LRCH3: variants seen among roughly 807,000 people sequenced by gnomAD.
LRCH3 encodes leucine rich repeats and calponin homology domain containing 3, also known as DISP complex protein LRCH3.
In LRCH3, 68 loss-of-function variants were observed where a neutral mutation model predicts 104.5. The observed-to-expected ratio is 0.65, with a 90% CI of 0.54 to 0.80. The LOEUF (loss-of-function observed/expected upper bound fraction) is 0.80, where lower values mean the gene tolerates loss of function less well. Among genes scored for constraint, LRCH3 ranks in the 30% least tolerant of loss-of-function variants. LRCH3 has a pLI of 0.00. For synonymous variants in LRCH3, 344 were observed against 361.3 expected, an observed-to-expected ratio of 0.95 and a Z score of 0.54; for missense variants, 951 against 953.9, an observed-to-expected ratio of 1.00 and a Z score of 0.04.
rs1489227486 is a variant in LRCH3 at position 197,815,058 on chromosome 3, A to T, written c.407+6A>T. ...CTAACATTCTTAAATATTAGGTAAG[A>T]ATATTGTTTTCTTATTTTAAATTTT... On this transcript the variant is annotated splice_donor_region_variant and intron_variant, in intron 2 of 20. Transcript: ENST00000425562. 1 of 1,437,064 alleles carries T rather than the reference A, an allele frequency of 7.0e-7. No homozygotes were observed. 89.0% of individuals were successfully genotyped at this position (1,437,064 alleles called of 1,614,324 possible). A position where few individuals can be genotyped will look rare whatever the true frequency, so the allele number is the denominator to read the frequency against.
chr3:197,878,234 C>T (rs190893833), intron 20 of LRCH3, among the ~76,000 whole-genome samples: 60 of 152,266 alleles, frequency 3.9e-4, no homozygotes, highest in African/African-American at 1.3e-3. Flanking sequence ...TAAGCCTGTC[C>T]GCGGGGCTTT....
At chr3:197,846,398 A>C (rs1014284292) in intron 10 of LRCH3, among the ~76,000 whole-genome samples, 24 of 149,814 alleles carry the variant, frequency 1.6e-4, no homozygotes, top group East Asian at 7.8e-4. Flanking sequence ...AAAAAAAAAA[A>C]AACAAAAAAA....
intron 10 of LRCH3, among the ~76,000 whole-genome samples, chr3:197,840,380 C>T (rs1372335132): frequency 1.3e-5 from 2 of 152,182 alleles, no homozygotes; most frequent in Non-Finnish European, 2.9e-5. Flanking sequence ...TCGCTTGAAC[C>T]CAGGAGGCGG....
At chr3:197,847,802 A>C in intron 11 of LRCH3, 70 bp from the exon 12 acceptor site, 1 of 1,517,242 alleles carries the variant, frequency 6.6e-7, no homozygotes, top group African/African-American at 1.4e-5. Flanking sequence ...AGTTCCCTAA[A>C]TTGATAGGGA....
At chr3:197,792,357 G>A (rs1730625140) in intron 1 of LRCH3, among the ~76,000 whole-genome samples, 1 of 150,726 alleles carries the variant, frequency 6.6e-6, no homozygotes, top group Non-Finnish European at 1.5e-5. Flanking sequence ...TTCGTGTTAT[G>A]TATGTTTTCG....
At position 197,887,013 on chromosome 3, in the gene LRCH3, A is replaced by ATTG. The variant is rs1190809722; in HGVS notation, c.*3350_*3352dup. The ATTG allele has an allele frequency of 3.3e-5, 5 of 152,288 alleles. No homozygotes were observed. Among genetic ancestry groups the ATTG allele is most frequent in the South Asian group, 2.1e-4 (1 of 4,826 alleles). 9.4% of individuals were successfully genotyped at this position (152,288 alleles called of 1,614,324 possible). On this transcript the variant is annotated 3_prime_UTR_variant, in exon 21 of 21. Coordinates refer to ENST00000425562, the MANE Select transcript of LRCH3 (RefSeq NM_001365715.1). ...CAAACTAAATCAGATTTGTATTTGA[A>ATTG]TTGTTAGGAAAAACCATGTGCAGTT... is the stretch of plus-strand genomic sequence containing the variant.
chr3:197,842,644 A>G (rs1261238381), intron 10 of LRCH3, among the ~76,000 whole-genome samples: 1 of 152,152 alleles, frequency 6.6e-6, no homozygotes, highest in Non-Finnish European at 1.5e-5. Flanking sequence ...ACCGCTACCC[A>G]CATAGAGTCT....
chr3:197,821,208 T>C (rs1276599615), intron 4 of LRCH3, among the ~76,000 whole-genome samples: 2 of 152,180 alleles, frequency 1.3e-5, no homozygotes, highest in Non-Finnish European at 2.9e-5. Context: ...AAACAGAGGC[T>C]AATGAACCAT....
chr3:197,879,959 T>G lies in LRCH3; in HGVS notation c.2209-3582T>G, dbSNP rs111454134. Among the ~76,000 whole-genome samples the G allele has an allele frequency of 1.8e-3, 278 of 150,424 alleles. 1 individual carries two copies. Among genetic ancestry groups the G allele is most frequent in the African/African-American group, 6.3e-3 (254 of 40,442 alleles). On this transcript the variant is annotated intron_variant, in intron 20 of 20. Coordinates refer to ENST00000425562, the MANE Select transcript of LRCH3 (RefSeq NM_001365715.1). ...TTCTGTGTATTGTATTTTTTTTTTT[T>G]TTTTGAGACGGAGTCTCGCTCTGTC...
rs1042513184 is a variant in LRCH3, at chr3:197,883,948, G to A, written c.*282G>A. 6.4e-5 allele frequency: 21 copies of A among 326,080 alleles called. No homozygotes were observed. Among genetic ancestry groups the A allele is most frequent in the African/African-American group, 4.3e-4 (20 of 46,750 alleles). The allele number at this position is 326,080 out of a possible 1,614,324, so 20.2% of individuals were successfully genotyped here. A position where few individuals can be genotyped will look rare whatever the true frequency, so the allele number is the denominator to read the frequency against. Reference sequence around the variant, plus strand: ...GGCTGTGTTTTCCTGGAGAGCAGGCGTGTTTCACGTGCCAGAAAGCACATC... The same window carrying A: ...GGCTGTGTTTTCCTGGAGAGCAGGCATGTTTCACGTGCCAGAAAGCACATC... On this transcript the variant is annotated 3_prime_UTR_variant, in exon 21 of 21. Coordinates refer to ENST00000425562, the MANE Select transcript of LRCH3 (RefSeq NM_001365715.1). This position sits in a 1 kb window ranked among gnomAD's most constrained non-coding sequence, Gnocchi z 4.2.
intron 2 of LRCH3, among the ~76,000 whole-genome samples, chr3:197,816,870 TG>T (rs956700961): frequency 2.0e-5 from 3 of 152,180 alleles, no homozygotes; most frequent in African/African-American, 7.2e-5. Flanking sequence ...AATAATACTA[TG>T]TTTATGTAGT....
chr3:197,792,801 G>GC (rs1176699436), intron 1 of LRCH3, among the ~76,000 whole-genome samples: 1 of 150,730 alleles, frequency 6.6e-6, no homozygotes, highest in Non-Finnish European at 1.5e-5. Flanking sequence ...ACAGGCGCCC[G>GC]CCACCACACC....
intron 20 of LRCH3, among the ~76,000 whole-genome samples, chr3:197,876,573 T>G (rs553371500): frequency 4.8e-4 from 73 of 152,378 alleles, no homozygotes; most frequent in African/African-American, 1.6e-3. Flanking sequence ...TATTATGTGG[T>G]ATAAAGACAA....
chr3:197,826,686 A>G (rs535174473), intron 4 of LRCH3, among the ~76,000 whole-genome samples, 192 bp from the exon 5 acceptor site: 4 of 152,244 alleles, frequency 2.6e-5, no homozygotes, highest in African/African-American at 4.8e-5. Context: ...AATCCTGTCT[A>G]TAGGCAACTG....
intron 1 of LRCH3, among the ~76,000 whole-genome samples, chr3:197,804,658 C>T (rs988906588): frequency 6.6e-6 from 1 of 152,168 alleles, no homozygotes; most frequent in Non-Finnish European, 1.5e-5. Flanking sequence ...AAGACTGTTA[C>T]TTGCTCAGCT....
At chr3:197,879,520 C>A (rs543974306) in intron 20 of LRCH3, among the ~76,000 whole-genome samples, 1 of 151,602 alleles carries the variant, frequency 6.6e-6, no homozygotes, top group Non-Finnish European at 1.5e-5. Context: ...GTGGCGGGCG[C>A]CTGTAGTCCC....
chr3:197,816,785 A>G (rs1373742926), intron 2 of LRCH3, among the ~76,000 whole-genome samples: 2 of 152,214 alleles, frequency 1.3e-5, no homozygotes, highest in African/African-American at 4.8e-5. Context: ...TTTTGTTTAT[A>G]ATCTTCAGAA....
In LRCH3 at chr3:197,869,520, CCG is replaced by C. The variant is rs1711818090; in HGVS notation, c.1874-639_1874-638del. 1.1e-4 allele frequency among the ~76,000 whole-genome samples: 17 copies of C among 149,138 alleles called. 2 individuals are homozygous for C. The highest frequency in any genetic ancestry group is 1.8e-4 in the African/African-American group (7 of 39,696). ...CACTGTACCTGCAGGAGGTAGAAAG[CCG>C]TGCACTGTACCTGCAGGAGGTAGAA... On this transcript the variant is annotated intron_variant, in intron 17 of 20. Transcript: ENST00000425562.
At chr3:197,802,352 G>T (rs1419217778) in intron 1 of LRCH3, among the ~76,000 whole-genome samples, 1 of 152,124 alleles carries the variant, frequency 6.6e-6, no homozygotes, top group Admixed American at 6.6e-5. Context: ...AAATTTGTTG[G>T]CTCACAATTT....
Sources: allele counts gnomAD v4.1 joint callset (sites outside exome capture counted in the v4.1 genomes callset), GRCh38; gene constraint gnomAD v4.1.1; non-coding constraint Gnocchi (gnomAD v3.1); transcripts MANE v1.5; gene names NCBI Gene and HGNC (gene_info 2026-07-23, HGNC 2026-07-21).